MYEF2: variants seen among roughly 807,000 people sequenced by gnomAD.
The protein encoded by MYEF2 is myelin gene expression factor 2.
A neutral mutation model predicts 75.2 loss-of-function variants in MYEF2; 37 were observed. The ratio of observed to expected loss-of-function variants is 0.49; its 90% CI spans 0.38 to 0.65. MYEF2 has a LOEUF of 0.65. Ranked by LOEUF, MYEF2 falls within the 30% of genes least tolerant of loss-of-function variation. The pLI, the probability that MYEF2 is intolerant of heterozygous loss-of-function variation, is 0.00. For synonymous variants in MYEF2, 195 were observed against 241.6 expected (o/e 0.81, Z 1.79); for missense variants, 634 against 771.4 (o/e 0.82, Z 2.11).
chr15:48,165,579 A>T (rs2040104467), intron 5 of MYEF2, among the ~76,000 whole-genome samples: 1 of 152,072 alleles, frequency 6.6e-6, no homozygotes, highest in Non-Finnish European at 1.5e-5. Flanking sequence ...TTTAATTATC[A>T]ATTACAAGGA....
At chr15:48,171,032 G>C (rs1231864538) in intron 1 of MYEF2, among the ~76,000 whole-genome samples, 1 of 152,096 alleles carries the variant, frequency 6.6e-6, no homozygotes, top group African/African-American at 2.4e-5. Context: ...GCCTAGGGGG[G>C]AGTCTTCTCA....
At chr15:48,148,385 C>G (rs543083024) in intron 16 of MYEF2, among the ~76,000 whole-genome samples, 1 of 151,938 alleles carries the variant, frequency 6.6e-6, no homozygotes, top group African/African-American at 2.4e-5. Context: ...TGATAAACCA[C>G]CTAATCTTCC....
chr15:48,175,440 TAAAG>T (rs1380889946), intron 1 of MYEF2, among the ~76,000 whole-genome samples: 4 of 152,192 alleles, frequency 2.6e-5, no homozygotes, highest in African/African-American at 9.6e-5. Context: ...GAAATTTGCT[TAAAG>T]AATAGATCTT....
intron 1 of MYEF2, among the ~76,000 whole-genome samples, chr15:48,170,235 C>A (rs1438555051): frequency 6.6e-6 from 1 of 152,050 alleles, no homozygotes; most frequent in African/African-American, 2.4e-5. Context: ...AAGGAATTCT[C>A]CTTCCTCAGC....
At position 48,140,882 on chromosome 15, in the gene MYEF2, G is replaced by A; in HGVS notation, c.*2026C>T. ...ATTTCTCACTGGCAGAATTTTAGCT[G>A]TTACGTATCTTTAGATATGTCATTA... On this transcript the variant is annotated 3_prime_UTR_variant, in exon 17 of 17. Coordinates refer to ENST00000324324, the MANE Select transcript of MYEF2 (RefSeq NM_016132.5). 1 of 387,990 alleles carries A rather than the reference G, an allele frequency of 2.6e-6. No individual in the cohort carries two copies. The highest frequency in any genetic ancestry group is 2.1e-5 in the African/African-American group (1 of 48,764). 24.0% of individuals were successfully genotyped at this position (387,990 alleles called of 1,614,324 possible). A position where few individuals can be genotyped will look rare whatever the true frequency, so the allele number is the denominator to read the frequency against.
Position 48,149,210 on chromosome 15 carries a change from T to C in MYEF2, c.1540A>G (p.Met514Val). The C allele has an allele frequency of 6.2e-7, 1 of 1,613,470 alleles. No individual in the cohort carries two copies. Among genetic ancestry groups the C allele is most frequent in the Non-Finnish European group, 8.5e-7 (1 of 1,179,500 alleles). Residue 514 changes from methionine (M) to valine (V), a missense_variant, in exon 15 of 17, where the codon ATG (methionine) becomes GTG (valine). Transcript: ENST00000324324. The surrounding 1 kb of genome is among the most constrained non-coding windows in gnomAD (Gnocchi z 4.0). ...GFLSGPMGSG[M>V]RERIGSKGNQ... ...CCTTTGGAGCCTATTCTCTCTCTCA[T>C]TCCGCTTCCCATTGGACCCGATAAA...
At chr15:48,151,984 T>G (rs756026434) in intron 11 of MYEF2, 42 bp from the exon 12 acceptor site, 1 of 1,585,624 alleles carries the variant, frequency 6.3e-7, no homozygotes, top group South Asian at 1.1e-5. Context: ...CTGTCAGTCA[T>G]GTAGCTGAAA....
rs1036272764 is a variant in MYEF2 at position 48,139,200 on chromosome 15, C to A, written c.*3708G>T. On this transcript the variant is annotated 3_prime_UTR_variant, in exon 17 of 17. Coordinates refer to ENST00000324324, the MANE Select transcript of MYEF2 (RefSeq NM_016132.5). ...GGTATGTATTTTAAGTACAATAGCA[C>A]AACTTGAAAATATTCATATAAGAAC... 9.6e-6 allele frequency: 15 copies of A among 1,557,786 alleles called. No homozygotes were observed. Among genetic ancestry groups the A allele is most frequent in the Non-Finnish European group, 1.3e-5 (15 of 1,133,910 alleles).
chr15:48,152,113 A>T, intron 11 of MYEF2, 121 bp downstream of exon 11: 1 of 1,190,532 alleles, frequency 8.4e-7, no homozygotes, highest in Non-Finnish European at 1.2e-6. Flanking sequence ...TTCTGCTAGC[A>T]GCCTTTAGAA....
intron 16 of MYEF2, 76 bp downstream of exon 16, chr15:48,148,949 GTCTAAAC>G: frequency 7.1e-7 from 1 of 1,410,658 alleles, no homozygotes; most frequent in Non-Finnish European, 1.0e-6. Context: ...ACAGGCAAAG[GTCTAAAC>G]ACAGTGTATA....
intron 1 of MYEF2, among the ~76,000 whole-genome samples, chr15:48,169,505 C>T (rs1156832813): frequency 6.6e-6 from 1 of 152,026 alleles, no homozygotes; most frequent in African/African-American, 2.4e-5. Context: ...GGTACTTCAT[C>T]AAATTATGCA....
Position 48,168,700 on chromosome 15 carries a change from T to C in MYEF2, c.301A>G (p.Arg101Gly). 1 of 1,614,022 alleles carries C rather than the reference T, an allele frequency of 6.2e-7. No individual in the cohort carries two copies. Among genetic ancestry groups the C allele is most frequent in the Non-Finnish European group, 8.5e-7 (1 of 1,179,926 alleles). Residue 101 changes from arginine to glycine, a missense_variant, in exon 2 of 17, where the codon AGA becomes GGA. By Grantham distance (125) the Arg-to-Gly change is moderately radical. Coordinates refer to ENST00000324324, the MANE Select transcript of MYEF2 (RefSeq NM_016132.5). Reference protein sequence around the residue: ...AGEKKGPNRNRVFISNIPYDM... With the variant: ...AGEKKGPNRNGVFISNIPYDM... The stretch of plus-strand genomic sequence containing the variant: ...TATGGGATGTTGCTAATGAAAACTC[T>C]GTTACGATTTGGACCCTTCTTTTCT...
intron 1 of MYEF2, among the ~76,000 whole-genome samples, chr15:48,176,421 A>C (rs1295648471): frequency 6.6e-6 from 1 of 152,160 alleles, no homozygotes; most frequent in Non-Finnish European, 1.5e-5. Context: ...ATTTACTAGT[A>C]ATATTTCTTC....
chr15:48,142,203 T>C lies in MYEF2; in HGVS notation c.*705A>G, dbSNP rs781779689. 6.2e-7 allele frequency: 1 copy of C among 1,613,788 alleles called. No homozygotes were observed. Among genetic ancestry groups the C allele is most frequent in the Admixed American group, 1.7e-5 (1 of 60,016 alleles). ...TCTCTCAACATTTCAATTATTTTTC[T>C]TTTTTTAGCAGTTCACTTCAATGGC... is the stretch of plus-strand genomic sequence containing the variant. On this transcript the variant is annotated 3_prime_UTR_variant, in exon 17 of 17. Transcript: ENST00000324324.
chr15:48,137,852 T>A lies in MYEF2; in HGVS notation c.*5056A>T, dbSNP rs2038940840. On this transcript the variant is annotated 3_prime_UTR_variant, in exon 17 of 17. Transcript: ENST00000324324. ...TTAAAGCAATAGCAAAACTTTTAGGTAAATAGGTTCAGTAGGAAGTCAGAA... is the reference window on the plus strand; with the variant it reads ...TTAAAGCAATAGCAAAACTTTTAGGAAAATAGGTTCAGTAGGAAGTCAGAA... 1 of 152,094 alleles carries A rather than the reference T, an allele frequency of 6.6e-6. No individual in the cohort carries two copies. The highest frequency in any genetic ancestry group is 2.1e-4 in the South Asian group (1 of 4,836). The allele number at this position is 152,094 out of a possible 1,614,324, so 9.4% of individuals were successfully genotyped here.
chr15:48,143,683 G>A (rs148240557), intron 16 of MYEF2, among the ~76,000 whole-genome samples: 2 of 152,146 alleles, frequency 1.3e-5, no homozygotes, highest in Non-Finnish European at 2.9e-5. Context: ...CATGGGAAGA[G>A]ATAGCACAGA....
At position 48,155,739 on chromosome 15, in the gene MYEF2, A is replaced by G. The variant is rs145807975; in HGVS notation, c.986-1846T>C. On this transcript the variant is annotated intron_variant, in intron 9 of 16. Coordinates refer to ENST00000324324, the MANE Select transcript of MYEF2 (RefSeq NM_016132.5). ...TGGAAATTGAAAACTTCCATTTTCA[A>G]ATAATACATGGCTCAATAAGAAATC... 5.3e-3 allele frequency among the ~76,000 whole-genome samples: 804 copies of G among 151,476 alleles called. 9 individuals are homozygous for G. The highest frequency in any genetic ancestry group is 0.019 in the African/African-American group (770 of 41,388).
At position 48,167,395 on chromosome 15, in the gene MYEF2, T is replaced by C. The variant is rs1434351084; in HGVS notation, c.377A>G (p.Glu126Gly). The change falls in exon 3 of 17, where the codon GAG becomes GGG. Residue 126 changes from glutamate to glycine, a missense_variant. Coordinates refer to ENST00000324324, the MANE Select transcript of MYEF2 (RefSeq NM_016132.5). ...CTTAAAGAGCTCCACGTATGTAACC[T>C]CACCAACTACATAAGACATACAAAA... is the stretch of plus-strand genomic sequence containing the variant. ...IKDLMREKVG[E>G]VTYVELFKDA... 1 of 1,612,878 alleles carries C rather than the reference T, an allele frequency of 6.2e-7. No homozygotes were observed. Among genetic ancestry groups the C allele is most frequent in the Non-Finnish European group, 8.5e-7 (1 of 1,179,030 alleles).
At chr15:48,143,130 T>C (rs968006313) in intron 16 of MYEF2, 59 bp from the exon 17 acceptor site, 1 of 1,258,238 alleles carries the variant, frequency 7.9e-7, no homozygotes, top group Non-Finnish European at 1.0e-6. Flanking sequence ...TTTCACTTTA[T>C]AGGTTTGAAA....
Sources: gnomAD v4.1 joint callset for allele counts (sites outside exome capture counted in the v4.1 genomes callset) on GRCh38, gnomAD v4.1.1 for gene constraint, Gnocchi (gnomAD v3.1) non-coding constraint, MANE v1.5 for transcripts, NCBI Gene and HGNC (gene_info 2026-07-23, HGNC 2026-07-21) for gene names.